Variants in RFX7 observed in about 807,000 individuals in gnomAD.
RFX7 encodes the protein regulatory factor X7.
A neutral mutation model predicts 111.8 loss-of-function variants in RFX7; 26 were observed. That is an observed-to-expected ratio of 0.23 (90% CI 0.17 to 0.32). The LOEUF (loss-of-function observed/expected upper bound fraction) is 0.32, where lower values mean the gene tolerates loss of function less well. RFX7 is among the 10% of genes least tolerant of loss of function. The probability of loss-of-function intolerance (pLI) is 1.00; values close to 1 mark genes in which losing one functional copy is unlikely to be tolerated. For synonymous variants in RFX7, 624 were observed against 624.4 expected (o/e 1.00, Z 0.01); for missense variants, 1,573 against 1,772.9 (o/e 0.89, Z 2.02).
chr15:56,215,174 C>T (rs1372559378), intron 2 of RFX7, among the ~76,000 whole-genome samples: 1 of 152,206 alleles, frequency 6.6e-6, no homozygotes, highest in Non-Finnish European at 1.5e-5. Context: ...TATGTTAAAT[C>T]ATCTCCAGAT....
In RFX7 at chr15:56,243,108, A is replaced by G. The variant is rs566948954; in HGVS notation, c.161+17T>C. ...GTGCCTGGGCTTTTTCACGCGAGCG[A>G]TGGAGGATCCTCTTACCAGATGGAG... On this transcript the variant is annotated intron_variant, in intron 2 of 9. Coordinates refer to ENST00000559447, the MANE Select transcript of RFX7 (RefSeq NM_022841.7). 58 of 1,353,180 alleles carry G rather than the reference A, an allele frequency of 4.3e-5. No homozygotes were observed. In the South Asian group the frequency reaches 6.7e-4, roughly 16 times the overall value. The allele number at this position is 1,353,180 out of a possible 1,614,324, so 83.8% of individuals were successfully genotyped here. A position where few individuals can be genotyped will look rare whatever the true frequency, so the allele number is the denominator to read the frequency against.
At chr15:56,235,939 C>T (rs1385246679) in intron 2 of RFX7, among the ~76,000 whole-genome samples, 1 of 152,084 alleles carries the variant, frequency 6.6e-6, no homozygotes, top group Non-Finnish European at 1.5e-5. Flanking sequence ...CTCATGCCTC[C>T]CAAAAATCCA....
At chr15:56,100,769 A>C (rs1366063386) in intron 8 of RFX7, among the ~76,000 whole-genome samples, 1 of 152,210 alleles carries the variant, frequency 6.6e-6, no homozygotes, top group Non-Finnish European at 1.5e-5. Context: ...CATTCTAACA[A>C]GACTGTCAAT....
intron 5 of RFX7, among the ~76,000 whole-genome samples, chr15:56,108,889 C>G (rs992653405): frequency 6.6e-6 from 1 of 152,206 alleles, no homozygotes; most frequent in Non-Finnish European, 1.5e-5. Context: ...CACAAGCATT[C>G]CTATACATCA....
intron 5 of RFX7, among the ~76,000 whole-genome samples, chr15:56,116,883 A>T (rs1307156332): frequency 6.6e-6 from 1 of 152,224 alleles, no homozygotes; most frequent in Non-Finnish European, 1.5e-5. Context: ...TACAAACTGT[A>T]CAAATATTGA....
intron 5 of RFX7, among the ~76,000 whole-genome samples, chr15:56,114,562 T>C (rs1393744626): frequency 1.3e-5 from 2 of 152,184 alleles, no homozygotes; most frequent in Non-Finnish European, 2.9e-5. Context: ...ACTAGTAAGC[T>C]GATCTTAGAC....
rs1251035912 is a variant in RFX7 at position 56,096,080 on chromosome 15, C to A, written c.1648G>T (p.Val550Leu). Residue 550 changes from valine (V) to leucine (L), a missense_variant, in exon 10 of 10, where the codon GTA (valine) becomes TTA (leucine). By Grantham distance (32) the Val-to-Leu change is conservative. Coordinates refer to ENST00000559447, the MANE Select transcript of RFX7 (RefSeq NM_022841.7). ...EPETSSDEHP[V>L]QCQENSDEAK... ...TCATCAGAGTTCTCTTGGCACTGTA[C>A]AGGATGCTCATCTGATGATGTTTCG... 2 of 1,613,502 alleles carry A rather than the reference C, an allele frequency of 1.2e-6. No individual in the cohort carries two copies. The highest frequency in any genetic ancestry group is 2.7e-5 in the African/African-American group (2 of 74,902).
chr15:56,178,389 A>C (rs1263448033), intron 3 of RFX7, among the ~76,000 whole-genome samples: 1 of 152,148 alleles, frequency 6.6e-6, no homozygotes, highest in Non-Finnish European at 1.5e-5. Context: ...TAAGCTAATA[A>C]GACATCATAC....
At chr15:56,209,104 CA>C (rs1356135100) in intron 2 of RFX7, among the ~76,000 whole-genome samples, 1 of 151,538 alleles carries the variant, frequency 6.6e-6, no homozygotes, top group Non-Finnish European at 1.5e-5. Flanking sequence ...ACAAAACAAA[CA>C]AAAAAACTAT....
intron 5 of RFX7, among the ~76,000 whole-genome samples, chr15:56,115,531 GACAC>G (rs768597473): frequency 6.6e-6 from 1 of 151,906 alleles, no homozygotes; most frequent in African/African-American, 2.4e-5. Context: ...TTAAAGCAAA[GACAC>G]ACACACACAT....
At chr15:56,133,116 AC>A (rs1244496604) in intron 5 of RFX7, among the ~76,000 whole-genome samples, 1 of 152,146 alleles carries the variant, frequency 6.6e-6, no homozygotes, top group Non-Finnish European at 1.5e-5. Context: ...TGATGAATAT[AC>A]ATTTTATAAT....
At chr15:56,195,408 C>G (rs1330899177) in intron 2 of RFX7, among the ~76,000 whole-genome samples, 1 of 152,060 alleles carries the variant, frequency 6.6e-6, no homozygotes, top group African/African-American at 2.4e-5. Context: ...ATTAATTTTA[C>G]TTAATAAAAA....
At chr15:56,146,056 C>G (rs938321569) in intron 3 of RFX7, among the ~76,000 whole-genome samples, 6 of 152,108 alleles carry the variant, frequency 3.9e-5, no homozygotes, top group Non-Finnish European at 8.8e-5. Flanking sequence ...CCTCCGATGT[C>G]ACCCCACTTT....
At position 56,098,136 on chromosome 15, in the gene RFX7, A is replaced by C; in HGVS notation, c.1052T>G (p.Ile351Ser). Residue 351 changes from isoleucine to serine, a missense_variant, in exon 9 of 10, where the codon ATC becomes AGC. Physicochemically the swap from Ile to Ser is moderately radical, Grantham distance 142. This residue lies in a region of RFX7 where 288 missense variants were observed against 337.9 expected (regional missense o/e 0.85). Coordinates refer to ENST00000559447, the MANE Select transcript of RFX7 (RefSeq NM_022841.7). ...VTNLPNGNPS[I>S]LSPQPIGIVV... ...GATACCAATAGGTTGAGGAGAAAGG[A>C]TTGAAGGATTTCCATTAGGAAGATT... is the stretch of plus-strand genomic sequence containing the variant. The C allele has an allele frequency of 6.2e-7, 1 of 1,613,944 alleles. No homozygotes were observed. Among genetic ancestry groups the C allele is most frequent in the African/African-American group, 1.3e-5 (1 of 75,044 alleles).
intron 5 of RFX7, among the ~76,000 whole-genome samples, chr15:56,104,103 A>G (rs192476615): frequency 9.9e-4 from 150 of 152,262 alleles, no homozygotes; most frequent in African/African-American, 3.5e-3. Flanking sequence ...TAGAAACATG[A>G]TATGTTTGAA....
chr15:56,109,020 TC>T (rs2041869170), intron 5 of RFX7, among the ~76,000 whole-genome samples: 2 of 65,768 alleles, frequency 3.0e-5, no homozygotes, highest in South Asian at 9.1e-4. Flanking sequence ...CTACAAACCT[TC>T]TCCCTCTCCC....
chr15:56,096,588 C>T lies in RFX7; in HGVS notation c.1140G>A (p.Pro380=), dbSNP rs764737402. ...TGCCGTCAGAAGAACTCATTGGACT[C>T]GGTGAAGTTACCAATTGCCTAGTCC... is the stretch of plus-strand genomic sequence containing the variant. The part of the protein sequence containing the change: ...VQRTRQLVTS[P]SPMSSSDGKV... Residue 380 remains proline (P), a synonymous_variant, in exon 10 of 10, where the codon CCG becomes CCA. Transcript: ENST00000559447. 242 of 1,592,148 alleles carry T rather than the reference C, an allele frequency of 1.5e-4. No homozygotes were observed. Among genetic ancestry groups the T allele is most frequent in the Non-Finnish European group, 1.8e-4 (216 of 1,168,728 alleles).
chr15:56,180,168 G>A (rs917700757), intron 2 of RFX7, among the ~76,000 whole-genome samples: 1 of 151,938 alleles, frequency 6.6e-6, no homozygotes, highest in Non-Finnish European at 1.5e-5. Flanking sequence ...AACCAAAATT[G>A]GTTATTTGCC....
intron 5 of RFX7, among the ~76,000 whole-genome samples, chr15:56,112,812 A>C (rs1595934972): frequency 6.6e-6 from 1 of 152,278 alleles, no homozygotes; most frequent in African/African-American, 2.4e-5. Flanking sequence ...CCAGATAAAA[A>C]CAAACAACCC....
Sources: allele counts gnomAD v4.1 joint callset (sites outside exome capture counted in the v4.1 genomes callset), GRCh38; gene constraint gnomAD v4.1.1; regional missense constraint gnomAD v4.1.1; transcripts MANE v1.5; gene names NCBI Gene and HGNC (gene_info 2026-07-23, HGNC 2026-07-21).